Variants in RBFOX1 observed in about 807,000 individuals in gnomAD.
RBFOX1 encodes the protein RNA binding protein fox-1 homolog 1.
A neutral mutation model predicts 57.7 loss-of-function variants in RBFOX1; 8 were observed. That is an observed-to-expected ratio of 0.14 (90% CI 0.08 to 0.25). The LOEUF is 0.25. Ranked by LOEUF, RBFOX1 falls within the 10% of genes least tolerant of loss-of-function variation. The probability of loss-of-function intolerance (pLI) is 1.00; values close to 1 mark genes in which losing one functional copy is unlikely to be tolerated. For missense variants in RBFOX1, 611 were observed against 548.5 expected (o/e 1.11, Z -1.14); for synonymous variants, 326 against 222.4 (o/e 1.47, Z -4.15).
chr16:5,492,733 A>C, intron 2 of RBFOX1, among the ~76,000 whole-genome samples: 1 of 152,316 alleles, frequency 6.6e-6, no homozygotes, highest in South Asian at 2.1e-4. Flanking sequence ...CAGTGCCCCC[A>C]GAATAGTTCA....
intron 1 of RBFOX1, among the ~76,000 whole-genome samples, chr16:6,272,767 C>G (rs1225804456): frequency 2.0e-5 from 3 of 152,056 alleles, no homozygotes; most frequent in Non-Finnish European, 1.5e-5. Context: ...GTATAGAACC[C>G]AGAAATAGAC....
chr16:5,707,816 G>T (rs552849103), intron 3 of RBFOX1, among the ~76,000 whole-genome samples: 1 of 152,318 alleles, frequency 6.6e-6, no homozygotes, highest in South Asian at 2.1e-4. Context: ...ACTTGACAAA[G>T]ATTTATTAGG....
At chr16:7,260,702 T>A (rs756702753) in intron 4 of RBFOX1, among the ~76,000 whole-genome samples, 5 of 152,196 alleles carry the variant, frequency 3.3e-5, no homozygotes, top group Admixed American at 6.5e-5. Flanking sequence ...ATGAGAATAT[T>A]TTCCACTCAA....
At chr16:6,862,125 C>G (rs560429621) in intron 3 of RBFOX1, among the ~76,000 whole-genome samples, 5 of 152,222 alleles carry the variant, frequency 3.3e-5, no homozygotes, top group East Asian at 3.9e-4. Context: ...GATGCTTCAG[C>G]AACAATAACA....
chr16:6,747,641 T>A (rs13330035), intron 3 of RBFOX1, among the ~76,000 whole-genome samples: 37,440 of 152,028 alleles, frequency 0.25, 4,768 homozygotes, highest in East Asian at 0.36. Context: ...GTATAAAAAG[T>A]AAAAGTTGCT....
chr16:6,537,948 G>A (rs1401778640), intron 2 of RBFOX1, among the ~76,000 whole-genome samples: 1 of 151,584 alleles, frequency 6.6e-6, no homozygotes, highest in Non-Finnish European at 1.5e-5. Context: ...TTAATAAAAA[G>A]GATATCCTAG....
intron 1 of RBFOX1, among the ~76,000 whole-genome samples, chr16:5,246,894 C>T (rs2062315180): frequency 6.6e-6 from 1 of 152,064 alleles, no homozygotes; most frequent in Non-Finnish European, 1.5e-5. Context: ...TGGTCCTGAA[C>T]TCCTGGGCTC....
intron 3 of RBFOX1, among the ~76,000 whole-genome samples, chr16:5,750,082 A>T (rs1057406652): frequency 1.3e-5 from 2 of 152,238 alleles, no homozygotes; most frequent in South Asian, 2.1e-4. Context: ...TTTCCTTCTA[A>T]CAGTCAAGAC....
intron 4 of RBFOX1, among the ~76,000 whole-genome samples, chr16:7,289,697 A>G (rs889237246): frequency 6.6e-6 from 1 of 152,148 alleles, no homozygotes; most frequent in African/African-American, 2.4e-5. Flanking sequence ...CTTGAAGCTG[A>G]TATGTGTTGT....
chr16:5,815,528 G>A (rs186728090), intron 3 of RBFOX1, among the ~76,000 whole-genome samples: 1,583 of 152,186 alleles, frequency 0.01, 12 homozygotes, highest in Non-Finnish European at 0.016. Flanking sequence ...TCCAAATTCC[G>A]TTTGGACCCC....
intron 4 of RBFOX1, among the ~76,000 whole-genome samples, chr16:7,239,955 GA>G (rs1006190441): frequency 2.0e-5 from 3 of 152,068 alleles, no homozygotes; most frequent in African/African-American, 7.2e-5. Context: ...CCTACCTGTT[GA>G]AACTATAAGA....
intron 1 of RBFOX1, among the ~76,000 whole-genome samples, chr16:5,288,927 C>T (rs2063466027): frequency 6.6e-6 from 1 of 152,034 alleles, no homozygotes; most frequent in African/African-American, 2.4e-5. Context: ...GAGATTGAGA[C>T]CATTGCGGCC....
At chr16:5,658,809 GTATATATAATATATGTATATATGTA>G (rs1437586731) in intron 3 of RBFOX1, among the ~76,000 whole-genome samples, 1 of 139,444 alleles carries the variant, frequency 7.2e-6, no homozygotes, top group Non-Finnish European at 1.5e-5. Flanking sequence ...GTGTATATAT[GTATATATAATATATGTATATATGTA>G]TATATATAAT....
intron 3 of RBFOX1, among the ~76,000 whole-genome samples, chr16:6,845,263 C>G (rs947687188): frequency 6.6e-6 from 1 of 151,878 alleles, no homozygotes; most frequent in African/African-American, 2.4e-5. Context: ...TACCTGTGTC[C>G]TGAATGGTAT....
intron 3 of RBFOX1, among the ~76,000 whole-genome samples, chr16:5,627,066 G>A (rs2048369205): frequency 6.6e-6 from 1 of 152,252 alleles, no homozygotes; most frequent in South Asian, 2.1e-4. Context: ...CTTTGCAGTT[G>A]CTGCTTTCCT....
At chr16:7,359,848 G>A (rs1245346779) in intron 4 of RBFOX1, among the ~76,000 whole-genome samples, 2 of 152,080 alleles carry the variant, frequency 1.3e-5, no homozygotes, top group African/African-American at 4.8e-5. Flanking sequence ...GCTGGGCATG[G>A]AGGCATGCAC....
intron 4 of RBFOX1, among the ~76,000 whole-genome samples, chr16:7,392,665 C>G (rs1416974867): frequency 1.3e-5 from 2 of 152,072 alleles, no homozygotes; most frequent in Non-Finnish European, 2.9e-5. Flanking sequence ...GGTGATAAAG[C>G]CCAAGTCATA....
intron 4 of RBFOX1, among the ~76,000 whole-genome samples, chr16:7,347,015 A>G (rs2097023548): frequency 6.6e-6 from 1 of 152,226 alleles, no homozygotes; most frequent in African/African-American, 2.4e-5. Flanking sequence ...AAGTCAAGCC[A>G]AGGAAAGCAC....
intron 4 of RBFOX1, among the ~76,000 whole-genome samples, chr16:7,509,399 TG>T (rs1845099628): frequency 3.9e-5 from 2 of 51,636 alleles, no homozygotes; most frequent in African/African-American, 1.3e-4. Flanking sequence ...CCTGTGTGTG[TG>T]TGTGTGTGTG....
Sources: gnomAD v4.1 joint callset for allele counts (sites outside exome capture counted in the v4.1 genomes callset) on GRCh38, gnomAD v4.1.1 for gene constraint, MANE v1.5 for transcripts, NCBI Gene and HGNC (gene_info 2026-07-23, HGNC 2026-07-21) for gene names.